Variants in LMNB1 observed in about 807,000 individuals in gnomAD.
LMNB1 encodes lamin-B1.
LMNB1 carries 23 observed loss-of-function variants against 67.1 expected under a neutral mutation model. The observed-to-expected ratio is 0.34, with a 90% CI of 0.25 to 0.49. The LOEUF (loss-of-function observed/expected upper bound fraction) is 0.49. LMNB1 is among the 20% of genes least tolerant of loss of function. The pLI is 0.99. For missense variants in LMNB1, 634 were observed against 746.5 expected (o/e 0.85, Z 1.76); for synonymous variants, 281 against 282.9 (o/e 0.99, Z 0.07).
At chr5:126,829,435 C>T (rs934577030) in intron 9 of LMNB1, among the ~76,000 whole-genome samples, 2 of 151,870 alleles carry the variant, frequency 1.3e-5, no homozygotes, top group Middle Eastern at 3.4e-3. Context: ...TTGTTGCTAA[C>T]GTGGTCCGGT....
chr5:126,829,216 T>G (rs903036037), intron 9 of LMNB1, among the ~76,000 whole-genome samples: 64 of 152,056 alleles, frequency 4.2e-4, no homozygotes, highest in African/African-American at 1.5e-3. Flanking sequence ...GGAAATTTTT[T>G]GGGCTCACAT....
chr5:126,815,682 G>A (rs1454529930), intron 5 of LMNB1, among the ~76,000 whole-genome samples: 12 of 152,162 alleles, frequency 7.9e-5, no homozygotes, highest in East Asian at 1.9e-4. Context: ...AACTGGTTTA[G>A]TGAGATTAGT....
At chr5:126,818,299 C>T (rs1408441584) in intron 5 of LMNB1, among the ~76,000 whole-genome samples, 6 of 146,508 alleles carry the variant, frequency 4.1e-5, no homozygotes, top group African/African-American at 7.6e-5. Flanking sequence ...AGTGCAATGG[C>T]GTGATCTTGG....
At chr5:126,820,696 T>A (rs1264729185) in intron 6 of LMNB1, among the ~76,000 whole-genome samples, 2 of 152,048 alleles carry the variant, frequency 1.3e-5, no homozygotes, top group Non-Finnish European at 2.9e-5. Flanking sequence ...TGGCTAATTT[T>A]TGTATTTTTA....
At chr5:126,835,767 G>A (rs1017550741) in intron 10 of LMNB1, among the ~76,000 whole-genome samples, 1 of 152,146 alleles carries the variant, frequency 6.6e-6, no homozygotes, top group Admixed American at 6.5e-5. Flanking sequence ...AATTTGTTGG[G>A]GGGTATTCTA....
intron 7 of LMNB1, among the ~76,000 whole-genome samples, chr5:126,822,144 C>T (rs1012729613): frequency 9.2e-5 from 14 of 151,864 alleles, no homozygotes; most frequent in Middle Eastern, 3.2e-3. Flanking sequence ...TACAGGTGCA[C>T]GCAAGCACGC....
chr5:126,798,699 T>G (rs1751176907), intron 1 of LMNB1, among the ~76,000 whole-genome samples: 1 of 152,164 alleles, frequency 6.6e-6, no homozygotes, highest in Non-Finnish European at 1.5e-5. Context: ...TGTGTCTGTG[T>G]GTGTGATTTT....
At chr5:126,817,648 C>T (rs1751746597) in intron 5 of LMNB1, among the ~76,000 whole-genome samples, 1 of 152,164 alleles carries the variant, frequency 6.6e-6, no homozygotes, top group Non-Finnish European at 1.5e-5. Flanking sequence ...CATCCATTTA[C>T]TTATCTGTTC....
chr5:126,801,962 C>G (rs954758468), intron 1 of LMNB1, among the ~76,000 whole-genome samples: 1 of 152,214 alleles, frequency 6.6e-6, no homozygotes, highest in African/African-American at 2.4e-5. Flanking sequence ...CCTAGCCCTT[C>G]TGGTAGTTTT....
chr5:126,780,581 TA>T (rs1750606491), intron 1 of LMNB1, among the ~76,000 whole-genome samples: 1 of 152,228 alleles, frequency 6.6e-6, no homozygotes. Flanking sequence ...GCTAAGGGAA[TA>T]AAAATAAAGC....
chr5:126,789,205 G>A (rs1750888269), intron 1 of LMNB1, among the ~76,000 whole-genome samples: 1 of 152,012 alleles, frequency 6.6e-6, no homozygotes, highest in Admixed American at 6.6e-5. Context: ...GCATTCTTAA[G>A]GGTCAATTTA....
At chr5:126,830,538 G>T (rs1228231643) in intron 9 of LMNB1, among the ~76,000 whole-genome samples, 2 of 152,018 alleles carry the variant, frequency 1.3e-5, no homozygotes, top group Admixed American at 6.6e-5. Flanking sequence ...ATTGGTTTTT[G>T]CATGTTTTCA....
At chr5:126,822,236 C>T (rs1035057596) in intron 7 of LMNB1, among the ~76,000 whole-genome samples, 7 of 152,190 alleles carry the variant, frequency 4.6e-5, no homozygotes, top group Non-Finnish European at 8.8e-5. Context: ...GTGATCCACC[C>T]GCCTTGGCCT....
chr5:126,795,130 C>CTTTTTTTTTTTTTTTTTTT (rs55837872), intron 1 of LMNB1, among the ~76,000 whole-genome samples: 1 of 128,942 alleles, frequency 7.8e-6, no homozygotes, highest in African/African-American at 2.8e-5. Context: ...ATTCCTTTTC[C>CTTTTTTTTTTTTTTTTTTT]TTTTTTTTTT....
rs1300146026 is a variant in LMNB1 at position 126,787,544 on chromosome 5, ATATT to A, written c.359+9679_359+9682del. Among the ~76,000 whole-genome samples the A allele has an allele frequency of 2.0e-4, 15 of 76,292 alleles. No individual in the cohort carries two copies. The East Asian group carries it at 3.0e-3, about 15-fold the overall frequency. The allele number at this position is 76,292 out of a possible 152,430, so 50.1% of individuals were successfully genotyped here. A position where few individuals can be genotyped will look rare whatever the true frequency, so the allele number is the denominator to read the frequency against. Reference sequence around the variant, plus strand: ...TGGGGGTATATATATATATATATATATATTTTTTTTTTTTTTTTTTGAGATAGAG... The same window carrying A: ...TGGGGGTATATATATATATATATATATTTTTTTTTTTTTTTTGAGATAGAG... On this transcript the variant is annotated intron_variant, in intron 1 of 10. Coordinates refer to ENST00000261366, the MANE Select transcript of LMNB1 (RefSeq NM_005573.4).
At chr5:126,811,307 T>C (rs1751572420) in intron 4 of LMNB1, among the ~76,000 whole-genome samples, 1 of 152,198 alleles carries the variant, frequency 6.6e-6, no homozygotes, top group Non-Finnish European at 1.5e-5. Context: ...TCAAGGAGTT[T>C]TTTTTGCTTC....
chr5:126,803,740 G>A (rs1362085604), intron 1 of LMNB1, among the ~76,000 whole-genome samples: 1 of 151,872 alleles, frequency 6.6e-6, no homozygotes, highest in Non-Finnish European at 1.5e-5. Context: ...TGGTAAAGAC[G>A]AGGTTTTACC....
chr5:126,778,210 C>T (rs910141095), intron 1 of LMNB1, among the ~76,000 whole-genome samples: 2 of 152,012 alleles, frequency 1.3e-5, no homozygotes, highest in East Asian at 1.9e-4. Flanking sequence ...GGCGGCCCCT[C>T]AGGCCCCAGG....
Position 126,836,422 on chromosome 5 carries a change from G to A in LMNB1, c.*158G>A, listed in dbSNP as rs1421421914. ...CTTAATTTCCTTTTTGACACTGAAA[G>A]TTTTGTAAAAGAAATCATGTCCATA... On this transcript the variant is annotated 3_prime_UTR_variant, in exon 11 of 11. Coordinates refer to ENST00000261366, the MANE Select transcript of LMNB1 (RefSeq NM_005573.4). The A allele has an allele frequency of 3.5e-6, 2 of 568,640 alleles. No individual in the cohort carries two copies. Among genetic ancestry groups the A allele is most frequent in the South Asian group, 2.8e-5 (1 of 36,296 alleles). 35.2% of individuals were successfully genotyped at this position (568,640 alleles called of 1,614,324 possible).
Sources: gnomAD v4.1 joint callset for allele counts (sites outside exome capture counted in the v4.1 genomes callset) on GRCh38, gnomAD v4.1.1 for gene constraint, MANE v1.5 for transcripts, NCBI Gene and HGNC (gene_info 2026-07-23, HGNC 2026-07-21) for gene names.